Variants in OPCML observed in about 807,000 individuals in gnomAD.
The protein encoded by OPCML is opioid-binding protein/cell adhesion molecule.
OPCML carries 13 observed loss-of-function variants against 37.8 expected under a neutral mutation model. The ratio of observed to expected loss-of-function variants is 0.34; its 90% CI spans 0.22 to 0.55. The LOEUF (loss-of-function observed/expected upper bound fraction) is 0.55, where lower values mean the gene tolerates loss of function less well. Among genes scored for constraint, OPCML ranks in the 20% least tolerant of loss-of-function variants. The probability of loss-of-function intolerance (pLI) is 0.91; values close to 1 mark genes in which losing one functional copy is unlikely to be tolerated. For missense variants in OPCML, 341 were observed against 435.6 expected, an observed-to-expected ratio of 0.78 and a Z score of 1.93; for synonymous variants, 176 against 168.8, an observed-to-expected ratio of 1.04 and a Z score of -0.33.
At chr11:133,371,112 T>TA (rs1944664610) in intron 1 of OPCML, among the ~76,000 whole-genome samples, 1 of 152,034 alleles carries the variant, frequency 6.6e-6, no homozygotes, top group Non-Finnish European at 1.5e-5. Context: ...ACAACCACAA[T>TA]AAGATATTAC....
intron 1 of OPCML, among the ~76,000 whole-genome samples, chr11:133,147,121 C>T (rs1468731464): frequency 1.3e-5 from 2 of 152,192 alleles, no homozygotes; most frequent in African/African-American, 4.8e-5. Context: ...CAGGGGCTGC[C>T]GCCTCCTCTG....
chr11:133,305,570 C>A (rs377579638), intron 1 of OPCML, among the ~76,000 whole-genome samples: 2 of 152,172 alleles, frequency 1.3e-5, no homozygotes, highest in Non-Finnish European at 2.9e-5. Context: ...TTATCATTCT[C>A]CCTAATCTGT....
At chr11:132,491,072 C>T (rs1018628715) in intron 4 of OPCML, among the ~76,000 whole-genome samples, 5 of 152,156 alleles carry the variant, frequency 3.3e-5, no homozygotes, top group Non-Finnish European at 5.9e-5. Context: ...AAGATAATTC[C>T]AGCTGCAACT....
chr11:132,811,741 A>G (rs1028885229), intron 2 of OPCML, among the ~76,000 whole-genome samples: 1 of 152,180 alleles, frequency 6.6e-6, no homozygotes, highest in African/African-American at 2.4e-5. Context: ...TTAATCACTC[A>G]GAGACTGGAA....
At chr11:132,468,027 T>C (rs2096125067) in intron 4 of OPCML, among the ~76,000 whole-genome samples, 1 of 152,174 alleles carries the variant, frequency 6.6e-6, no homozygotes, top group South Asian at 2.1e-4. Flanking sequence ...CCTAATCTTG[T>C]GACCTACAGG....
chr11:132,936,315 G>T (rs78276465), intron 2 of OPCML, among the ~76,000 whole-genome samples: 1 of 152,252 alleles, frequency 6.6e-6, no homozygotes, highest in African/African-American at 2.4e-5. Context: ...GAAGCATAAA[G>T]GTCTTCTAGG....
At chr11:132,705,150 T>C (rs1171324400) in intron 2 of OPCML, among the ~76,000 whole-genome samples, 1 of 152,218 alleles carries the variant, frequency 6.6e-6, no homozygotes, top group Non-Finnish European at 1.5e-5. Flanking sequence ...CAAATATCTA[T>C]TGAAATGTAA....
At chr11:133,031,576 G>A (rs1274499898) in intron 1 of OPCML, among the ~76,000 whole-genome samples, 1 of 151,548 alleles carries the variant, frequency 6.6e-6, no homozygotes, top group Non-Finnish European at 1.5e-5. Context: ...ATGGGTAGAT[G>A]GGTGAATGGA....
chr11:132,461,817 G>T (rs1055430588), intron 4 of OPCML, among the ~76,000 whole-genome samples: 1 of 152,148 alleles, frequency 6.6e-6, no homozygotes, highest in African/African-American at 2.4e-5. Context: ...GGAAGGAGAA[G>T]TGCCAAGCGA....
intron 5 of OPCML, 84 bp from the exon 6 acceptor site, chr11:132,436,863 T>C: frequency 6.5e-7 from 1 of 1,540,450 alleles, no homozygotes; most frequent in Non-Finnish European, 8.8e-7. Context: ...GAAGGGCACA[T>C]CCAGCCATTT....
intron 2 of OPCML, among the ~76,000 whole-genome samples, chr11:132,790,488 A>G (rs893590960): frequency 6.6e-6 from 1 of 152,190 alleles, no homozygotes; most frequent in African/African-American, 2.4e-5. Flanking sequence ...GAGAATAACT[A>G]TTATGTTTCA....
At chr11:133,235,171 T>C (rs1401913510) in intron 1 of OPCML, among the ~76,000 whole-genome samples, 1 of 152,198 alleles carries the variant, frequency 6.6e-6, no homozygotes, top group African/African-American at 2.4e-5. Flanking sequence ...TATCTTTTCC[T>C]ACAAATAGTT....
At chr11:133,458,551 G>A (rs1348982842) in intron 1 of OPCML, among the ~76,000 whole-genome samples, 5 of 111,414 alleles carry the variant, frequency 4.5e-5, no homozygotes, top group Non-Finnish European at 8.0e-5. Context: ...ATATACACGT[G>A]TGTGTGTATA....
chr11:133,152,959 G>C (rs1242560191), intron 1 of OPCML, among the ~76,000 whole-genome samples: 3 of 151,678 alleles, frequency 2.0e-5, no homozygotes, highest in African/African-American at 4.9e-5. Context: ...CAGCCTGAAA[G>C]CCTTGGCAGC....
intron 2 of OPCML, among the ~76,000 whole-genome samples, chr11:132,691,120 A>G (rs959167205): frequency 6.6e-6 from 1 of 152,162 alleles, no homozygotes; most frequent in Admixed American, 6.5e-5. Context: ...CATAGACCCC[A>G]CTTAAATATA....
intron 2 of OPCML, among the ~76,000 whole-genome samples, chr11:132,705,298 A>C (rs540115218): frequency 6.6e-6 from 1 of 152,184 alleles, no homozygotes; most frequent in South Asian, 2.1e-4. Context: ...GTCGTTTAAA[A>C]GTGTGCGGCT....
At chr11:132,912,655 G>A (rs1007161349) in intron 2 of OPCML, among the ~76,000 whole-genome samples, 2 of 152,256 alleles carry the variant, frequency 1.3e-5, no homozygotes, top group South Asian at 4.1e-4. Context: ...TTACTATGCA[G>A]ACCAACAATT....
chr11:132,621,157 A>G (rs558114469), intron 3 of OPCML, among the ~76,000 whole-genome samples: 1 of 152,328 alleles, frequency 6.6e-6, no homozygotes, highest in East Asian at 1.9e-4. Flanking sequence ...AAAGGCTAAT[A>G]ATACTGTCTT....
At chr11:133,527,054 G>C (rs1948505474) in intron 1 of OPCML, among the ~76,000 whole-genome samples, 1 of 152,226 alleles carries the variant, frequency 6.6e-6, no homozygotes, top group Non-Finnish European at 1.5e-5. Context: ...TCCAGCCCCA[G>C]GCAGCTGCAG....
Sources: gnomAD v4.1 joint callset for allele counts (sites outside exome capture counted in the v4.1 genomes callset) on GRCh38, gnomAD v4.1.1 for gene constraint, MANE v1.5 for transcripts, NCBI Gene and HGNC (gene_info 2026-07-23, HGNC 2026-07-21) for gene names.